The following TTYH2 variants were observed in gnomAD, a reference collection of about 807,000 sequenced individuals.
TTYH2 encodes tweety family member 2.
In TTYH2, 49 loss-of-function variants were observed where a neutral mutation model predicts 68.3. The observed-to-expected ratio is 0.72, with a 90% CI of 0.57 to 0.91. TTYH2 has a LOEUF of 0.91. TTYH2 is among the 40% of genes least tolerant of loss of function. The probability of loss-of-function intolerance (pLI) is 0.00; values close to 1 mark genes in which losing one functional copy is unlikely to be tolerated. For synonymous variants in TTYH2, 272 were observed against 300.8 expected (o/e 0.90, Z 0.99); for missense variants, 631 against 700.4 (o/e 0.90, Z 1.12).
intron 13 of TTYH2, among the ~76,000 whole-genome samples, chr17:74,258,449 T>C (rs1160911603): frequency 2.0e-4 from 30 of 152,044 alleles, no homozygotes; most frequent in Admixed American, 1.9e-3. Context: ...GTATTTTTAG[T>C]AGAGACAGGG....
At chr17:74,221,962 G>T (rs1476638291) in intron 1 of TTYH2, among the ~76,000 whole-genome samples, 1 of 152,198 alleles carries the variant, frequency 6.6e-6, no homozygotes, top group Non-Finnish European at 1.5e-5. Flanking sequence ...GGACAGCGGG[G>T]TCCTTGCATG....
intron 2 of TTYH2, among the ~76,000 whole-genome samples, chr17:74,224,331 G>A (rs983573548): frequency 2.0e-5 from 3 of 152,184 alleles, no homozygotes; most frequent in South Asian, 2.1e-4. Flanking sequence ...AGGCTACAGT[G>A]AGCCATGATC....
At chr17:74,234,701 G>C (rs1303417493) in intron 3 of TTYH2, among the ~76,000 whole-genome samples, 1 of 148,914 alleles carries the variant, frequency 6.7e-6, no homozygotes, top group African/African-American at 2.6e-5. Context: ...AACTGTGAGA[G>C]AGTAGAACTG....
At chr17:74,220,106 C>T (rs533717378) in intron 1 of TTYH2, among the ~76,000 whole-genome samples, 30 of 152,146 alleles carry the variant, frequency 2.0e-4, no homozygotes, top group African/African-American at 6.7e-4. Flanking sequence ...CCAGCATCCC[C>T]AGTAGCTGGG....
chr17:74,253,718 C>T (rs1327559932), intron 12 of TTYH2, 37 bp from the exon 13 acceptor site: 4 of 1,607,346 alleles, frequency 2.5e-6, no homozygotes, highest in Non-Finnish European at 3.4e-6. Context: ...CCCACTCCCA[C>T]ACCATCCCCT....
intron 1 of TTYH2, among the ~76,000 whole-genome samples, chr17:74,220,798 T>C (rs1211909128): frequency 6.6e-6 from 1 of 151,734 alleles, no homozygotes; most frequent in Non-Finnish European, 1.5e-5. Context: ...CACTTTTTTT[T>C]TTTTTCTAGA....
Position 74,217,685 on chromosome 17 carries a change from C to G in TTYH2, c.129+3969C>G, listed in dbSNP as rs1040896365. 4.6e-5 allele frequency among the ~76,000 whole-genome samples: 7 copies of G among 152,242 alleles called. No homozygotes were observed. Among genetic ancestry groups the G allele is most frequent in the African/African-American group, 1.7e-4 (7 of 41,464 alleles). ...CTAGTTTCCCTCTCCCAGCCTCCCC[C>G]TGAGACCGGCACACCTCTCTCTATG... On this transcript the variant is annotated intron_variant, in intron 1 of 13. Transcript: ENST00000269346. The surrounding 1 kb of genome is among the most constrained non-coding windows in gnomAD (Gnocchi z 4.0).
rs758732585 is a variant in TTYH2 at position 74,237,371 on chromosome 17, G to A, written c.492G>A (p.Arg164=). The A allele has an allele frequency of 1.2e-6, 2 of 1,614,164 alleles. No homozygotes were observed. The highest frequency in any genetic ancestry group is 1.7e-6 in the Non-Finnish European group (2 of 1,180,032). Residue 164 remains arginine (R), a synonymous_variant, in exon 4 of 14, where the codon CGG becomes CGA. Coordinates refer to ENST00000269346, the MANE Select transcript of TTYH2 (RefSeq NM_032646.6). Reference sequence around the variant, plus strand: ...GGCTCAGTGAGATCTTTGCTGCCCGGGGCGATTACCTGCAGACCCTGAAGT... The same window carrying A: ...GGCTCAGTGAGATCTTTGCTGCCCGAGGCGATTACCTGCAGACCCTGAAGT... The part of the protein sequence containing the change: ...LARLSEIFAA[R]GDYLQTLKFI...
In TTYH2 at chr17:74,232,835, C is replaced by T. The variant is rs1328440376; in HGVS notation, c.414+1836C>T. On this transcript the variant is annotated intron_variant, in intron 3 of 13. Transcript: ENST00000269346. This position sits in a 1 kb window ranked among gnomAD's most constrained non-coding sequence, Gnocchi z 5.1. Reference sequence around the variant, plus strand: ...AACATCAAGTCCTAGAAGTCCCTATCCCACAGGACGAGAGCTGCCAGGGAG... The same window carrying T: ...AACATCAAGTCCTAGAAGTCCCTATTCCACAGGACGAGAGCTGCCAGGGAG... Among the ~76,000 whole-genome samples the T allele has an allele frequency of 2.0e-5, 3 of 152,224 alleles. No individual in the cohort carries two copies. Among genetic ancestry groups the T allele is most frequent in the Admixed American group, 2.0e-4 (3 of 15,290 alleles).
Position 74,250,315 on chromosome 17 carries a change from T to C in TTYH2, c.1074T>C (p.Leu358=). The C allele has an allele frequency of 1.9e-6, 3 of 1,613,778 alleles. No individual in the cohort carries two copies. Among genetic ancestry groups the C allele is most frequent in the Non-Finnish European group, 2.5e-6 (3 of 1,179,876 alleles). Residue 358 remains leucine, a synonymous_variant, in exon 10 of 14, where the codon CTT becomes CTC. Transcript: ENST00000269346. ...QLLLNSSESS[L]HQLTAMVDCR... ...TGCTGAACTCCTCAGAGTCCAGCCT[T>C]CACCAGCTGACCGCCATGGTGGACT... is the stretch of plus-strand genomic sequence containing the variant.
intron 13 of TTYH2, among the ~76,000 whole-genome samples, chr17:74,259,849 G>C (rs971277659): frequency 6.6e-6 from 1 of 152,178 alleles, no homozygotes; most frequent in Admixed American, 6.5e-5. Context: ...CTGCTCCTCC[G>C]TGCGCTGGTG....
chr17:74,250,350 T>G lies in TTYH2; in HGVS notation c.1109T>G (p.Leu370Arg). Residue 370 changes from leucine (L) to arginine (R), a missense_variant, in exon 10 of 14, where the codon CTG (leucine) becomes CGG (arginine). By Grantham distance (102) the Leu-to-Arg change is moderately radical. Coordinates refer to ENST00000269346, the MANE Select transcript of TTYH2 (RefSeq NM_032646.6). ...QLTAMVDCRG[L>R]HKDYLDALAG... ...ACCGCCATGGTGGACTGCCGAGGGC[T>G]GCACAAGGTGCATGGGGACCCTGGG... The G allele has an allele frequency of 6.2e-7, 1 of 1,612,842 alleles. No individual in the cohort carries two copies. The highest frequency in any genetic ancestry group is 8.5e-7 in the Non-Finnish European group (1 of 1,179,360).
rs554155670 is a variant in TTYH2, at chr17:74,217,625, T to A, written c.129+3909T>A. Among the ~76,000 whole-genome samples, 1 of 152,264 alleles carries A rather than the reference T, an allele frequency of 6.6e-6. No individual in the cohort carries two copies. Among genetic ancestry groups the A allele is most frequent in the East Asian group, 1.9e-4 (1 of 5,166 alleles). On this transcript the variant is annotated intron_variant, in intron 1 of 13. Transcript: ENST00000269346. This position sits in a 1 kb window ranked among gnomAD's most constrained non-coding sequence, Gnocchi z 4.0. ...TGGGAGAGGGCTTAATCTTTCCCAG[T>A]GGGCCTGGGAGGGAGACTCTCCCTC...
At chr17:74,243,943 C>T (rs2050528132) in intron 5 of TTYH2, 34 bp from the exon 6 acceptor site, 6 of 1,604,382 alleles carry the variant, frequency 3.7e-6, no homozygotes, top group African/African-American at 1.3e-5. Flanking sequence ...AAGGGGACCC[C>T]GCCTGCCAAC....
At chr17:74,252,518 C>A in intron 11 of TTYH2, 142 bp downstream of exon 11, 1 of 1,089,542 alleles carries the variant, frequency 9.2e-7, no homozygotes, top group Non-Finnish European at 1.3e-6. Context: ...GCCCAACAGG[C>A]TGGCTGACTT....
At chr17:74,252,514 C>T (rs904799033) in intron 11 of TTYH2, 138 bp downstream of exon 11, 1 of 1,125,306 alleles carries the variant, frequency 8.9e-7, no homozygotes, top group Non-Finnish European at 1.2e-6. Flanking sequence ...TTCAGCCCAA[C>T]AGGCTGGCTG....
chr17:74,223,295 G>T (rs1598214722), intron 2 of TTYH2, among the ~76,000 whole-genome samples: 1 of 135,238 alleles, frequency 7.4e-6, no homozygotes, highest in Non-Finnish European at 1.5e-5. Context: ...TGGGGGGCGG[G>T]GGGTGGGCGG....
chr17:74,228,339 AAGAACAAC>A (rs2050353357), intron 2 of TTYH2, among the ~76,000 whole-genome samples: 1 of 152,120 alleles, frequency 6.6e-6, no homozygotes, highest in South Asian at 2.1e-4. Flanking sequence ...GTGTTGTTTA[AAGAACAAC>A]AGAACAAATA....
chr17:74,214,185 T>A lies in TTYH2; in HGVS notation c.129+469T>A, dbSNP rs963326206. Among the ~76,000 whole-genome samples the A allele has an allele frequency of 1.3e-5, 2 of 151,972 alleles. No individual in the cohort carries two copies. The highest frequency in any genetic ancestry group is 2.9e-5 in the Non-Finnish European group (2 of 67,970). Reference sequence around the variant, plus strand: ...TGGCCTAGGAAAGTTTGGCAGAAACTGAGTAGAGTCTCCCGAGTCGGTCTT... The same window carrying A: ...TGGCCTAGGAAAGTTTGGCAGAAACAGAGTAGAGTCTCCCGAGTCGGTCTT... On this transcript the variant is annotated intron_variant, in intron 1 of 13. Transcript: ENST00000269346. This position sits in a 1 kb window ranked among gnomAD's most constrained non-coding sequence, Gnocchi z 4.6.
Sources: gnomAD v4.1 joint callset for allele counts (sites outside exome capture counted in the v4.1 genomes callset) on GRCh38, gnomAD v4.1.1 for gene constraint, Gnocchi (gnomAD v3.1) non-coding constraint, MANE v1.5 for transcripts, NCBI Gene and HGNC (gene_info 2026-07-23, HGNC 2026-07-21) for gene names.